The following LARGE1 variants were observed in gnomAD, a reference collection of about 807,000 sequenced individuals.
The protein encoded by LARGE1 is xylosyl- and glucuronyltransferase LARGE1.
LARGE1 carries 43 observed loss-of-function variants against 87.6 expected under a neutral mutation model. The ratio of observed to expected loss-of-function variants is 0.49; its 90% CI spans 0.38 to 0.63. The LOEUF (loss-of-function observed/expected upper bound fraction) is 0.63. Ranked by LOEUF, LARGE1 falls within the 30% of genes least tolerant of loss-of-function variation. The pLI, the probability that LARGE1 is intolerant of heterozygous loss-of-function variation, is 0.00. For synonymous variants in LARGE1, 434 were observed against 394.6 expected (o/e 1.10, Z -1.18); for missense variants, 802 against 1,000.2 (o/e 0.80, Z 2.67).
chr22:33,832,513 A>G (rs150510085), intron 1 of LARGE1, among the ~76,000 whole-genome samples: 1 of 152,294 alleles, frequency 6.6e-6, no homozygotes, highest in African/African-American at 2.4e-5. Context: ...CTGGACCCAG[A>G]GCCCCCAGGC....
At chr22:33,412,663 GTATT>G (rs767516500) in intron 7 of LARGE1, among the ~76,000 whole-genome samples, 1 of 152,050 alleles carries the variant, frequency 6.6e-6, no homozygotes, top group African/African-American at 2.4e-5. Context: ...TTTATTTTAT[GTATT>G]TATTTATTTT....
chr22:33,081,021 C>T, the LARGE1 span, among the ~76,000 whole-genome samples: 1 of 152,002 alleles, frequency 6.6e-6, no homozygotes, highest in Non-Finnish European at 1.5e-5. Context: ...GCACACAGTT[C>T]TGGACTGAAC....
At chr22:33,784,852 A>G (rs1325474293) in intron 1 of LARGE1, among the ~76,000 whole-genome samples, 1 of 150,890 alleles carries the variant, frequency 6.6e-6, no homozygotes, top group Non-Finnish European at 1.5e-5. Flanking sequence ...ACACATAGAC[A>G]GTTTATATTT....
At chr22:33,826,440 T>C (rs1380157897) in intron 1 of LARGE1, among the ~76,000 whole-genome samples, 1 of 151,492 alleles carries the variant, frequency 6.6e-6, no homozygotes, top group Non-Finnish European at 1.5e-5. Flanking sequence ...CCTCCTGGGT[T>C]CAAGCAGTTC....
At chr22:33,457,288 T>C (rs2068171672) in intron 6 of LARGE1, among the ~76,000 whole-genome samples, 1 of 140,176 alleles carries the variant, frequency 7.1e-6, no homozygotes, top group Non-Finnish European at 1.5e-5. Flanking sequence ...CCACCACGCC[T>C]GGCTCTTTTT....
chr22:33,180,961 CT>C (rs1283638149), intron 11 of LARGE1, among the ~76,000 whole-genome samples: 1 of 152,100 alleles, frequency 6.6e-6, no homozygotes, highest in Non-Finnish European at 1.5e-5. Context: ...GTACGGAATC[CT>C]TTTGTGGATG....
downstream of LARGE1, chr22:33,162,161 G>A (rs1922050465): frequency 6.6e-6 from 1 of 152,098 alleles, no homozygotes; most frequent in Non-Finnish European, 1.5e-5. Flanking sequence ...ATTATAATGA[G>A]ATAATACCAA....
intron 11 of LARGE1, among the ~76,000 whole-genome samples, chr22:33,169,578 G>T (rs189620551): frequency 6.6e-6 from 1 of 152,046 alleles, no homozygotes; most frequent in Non-Finnish European, 1.5e-5. Context: ...GGGGCTGGGC[G>T]CAGTGGCTCA....
At chr22:33,457,955 T>C (rs1017844469) in intron 6 of LARGE1, among the ~76,000 whole-genome samples, 3 of 152,198 alleles carry the variant, frequency 2.0e-5, no homozygotes, top group Non-Finnish European at 4.4e-5. Context: ...CAGCATCTTT[T>C]ACTCTCTGAG....
At chr22:33,285,207 A>G (rs1931283894) in intron 12 of LARGE1, among the ~76,000 whole-genome samples, 1 of 152,150 alleles carries the variant, frequency 6.6e-6, no homozygotes, top group Admixed American at 6.5e-5. Flanking sequence ...TTTGGGTCTC[A>G]GGGTCATCAT....
downstream of LARGE1, among the ~76,000 whole-genome samples, chr22:33,270,587 G>A (rs998694941): frequency 1.3e-5 from 2 of 152,162 alleles, no homozygotes; most frequent in Admixed American, 6.5e-5. Flanking sequence ...ACATAGCTGT[G>A]AGGATCCATC....
At chr22:33,671,142 A>G (rs2081397718) in intron 2 of LARGE1, among the ~76,000 whole-genome samples, 1 of 152,180 alleles carries the variant, frequency 6.6e-6, no homozygotes, top group Non-Finnish European at 1.5e-5. Context: ...TAGGCACACC[A>G]AAAAACTTGG....
At chr22:33,557,908 G>A (rs116757530) in intron 6 of LARGE1, among the ~76,000 whole-genome samples, 1,902 of 152,210 alleles carry the variant, frequency 0.012, 40 homozygotes, top group African/African-American at 0.042. Flanking sequence ...AAAAAGAAAT[G>A]CCCAGGACTT....
intron 11 of LARGE1, among the ~76,000 whole-genome samples, chr22:33,173,765 G>C (rs953915609): frequency 1.3e-5 from 2 of 152,010 alleles, no homozygotes; most frequent in African/African-American, 4.8e-5. Flanking sequence ...TAATGGTAAA[G>C]GGATCAATGC....
the LARGE1 span, among the ~76,000 whole-genome samples, chr22:33,125,544 T>C: frequency 6.6e-6 from 1 of 152,092 alleles, no homozygotes. Context: ...CCTCCTGTGT[T>C]CAAGCAATTC....
chr22:33,824,058 C>A (rs1400972602), intron 1 of LARGE1, among the ~76,000 whole-genome samples: 1 of 152,182 alleles, frequency 6.6e-6, no homozygotes, highest in African/African-American at 2.4e-5. Flanking sequence ...AGGCTGATAT[C>A]ATTATCCTCA....
chr22:33,324,066 T>C (rs1937001217), intron 10 of LARGE1, among the ~76,000 whole-genome samples: 1 of 151,366 alleles, frequency 6.6e-6, no homozygotes, highest in Non-Finnish European at 1.5e-5. Flanking sequence ...ACCCCATCTC[T>C]ACTAAAAATA....
At chr22:33,831,635 A>T (rs959048556) in intron 1 of LARGE1, among the ~76,000 whole-genome samples, 3 of 151,374 alleles carry the variant, frequency 2.0e-5, no homozygotes, top group African/African-American at 4.9e-5. Flanking sequence ...CTAAGTTTTT[A>T]AAAAAAGATA....
the LARGE1 span, among the ~76,000 whole-genome samples, chr22:33,113,723 C>A: frequency 6.6e-6 from 1 of 152,202 alleles, no homozygotes; most frequent in Admixed American, 6.5e-5. Context: ...ACTTGAGTTT[C>A]AAATTCTCTC....
Sources: allele counts gnomAD v4.1 joint callset (sites outside exome capture counted in the v4.1 genomes callset), GRCh38; gene constraint gnomAD v4.1.1; transcripts MANE v1.5; gene names NCBI Gene and HGNC (gene_info 2026-07-23, HGNC 2026-07-21).